PKN2: variants seen among roughly 807,000 people sequenced by gnomAD.
The protein encoded by PKN2 is protein kinase N2.
In PKN2, 38 loss-of-function variants were observed where a neutral mutation model predicts 119.1. That is an observed-to-expected ratio of 0.32 (90% confidence interval 0.25 to 0.42). The LOEUF is 0.42. Among genes scored for constraint, PKN2 ranks in the 10% least tolerant of loss-of-function variants. The pLI, the probability that PKN2 is intolerant of heterozygous loss-of-function variation, is 1.00. For synonymous variants in PKN2, 390 were observed against 384.9 expected, an observed-to-expected ratio of 1.01 and a Z score of -0.15; for missense variants, 850 against 1,165.1, an observed-to-expected ratio of 0.73 and a Z score of 3.94.
intron 1 of PKN2, among the ~76,000 whole-genome samples, chr1:88,690,637 G>A (rs1666294723): frequency 6.6e-6 from 1 of 152,266 alleles, no homozygotes; most frequent in Non-Finnish European, 1.5e-5. Flanking sequence ...CTTGATGCAT[G>A]TCTAGCTTGT....
At chr1:88,779,160 A>T (rs191879141) in intron 6 of PKN2, among the ~76,000 whole-genome samples, 1 of 152,340 alleles carries the variant, frequency 6.6e-6, no homozygotes, top group East Asian at 1.9e-4. Context: ...GCAGGCTGCC[A>T]TCTTCAATAC....
At chr1:88,788,499 GC>G (rs1183127188) in intron 8 of PKN2, among the ~76,000 whole-genome samples, 1 of 151,794 alleles carries the variant, frequency 6.6e-6, no homozygotes, top group Non-Finnish European at 1.5e-5. Flanking sequence ...AGGCTGGAGT[GC>G]AATGGCACAA....
At chr1:88,744,238 A>G (rs1012001876) in intron 2 of PKN2, among the ~76,000 whole-genome samples, 21 of 152,198 alleles carry the variant, frequency 1.4e-4, no homozygotes, top group African/African-American at 5.1e-4. Context: ...GATTTCAAGG[A>G]CATTGTGCTT....
intron 17 of PKN2, among the ~76,000 whole-genome samples, chr1:88,822,706 G>C (rs1224116521): frequency 6.6e-6 from 1 of 151,418 alleles, no homozygotes; most frequent in Non-Finnish European, 1.5e-5. Flanking sequence ...AGCCTCCTGA[G>C]TACATGGAAT....
chr1:88,801,119 C>T (rs1199057607), intron 8 of PKN2, among the ~76,000 whole-genome samples: 1 of 152,194 alleles, frequency 6.6e-6, no homozygotes, highest in Non-Finnish European at 1.5e-5. Context: ...CACAGTGGCT[C>T]ACGACTGTAA....
intron 2 of PKN2, among the ~76,000 whole-genome samples, chr1:88,759,043 G>A (rs1000643492): frequency 6.6e-6 from 1 of 152,194 alleles, no homozygotes; most frequent in African/African-American, 2.4e-5. Context: ...ATTCTCGCTA[G>A]CCTCTGTTAT....
intron 1 of PKN2, among the ~76,000 whole-genome samples, chr1:88,739,010 A>C (rs551958918): frequency 6.6e-6 from 1 of 152,366 alleles, no homozygotes; most frequent in Admixed American, 6.5e-5. Flanking sequence ...TGGCTCAGGT[A>C]GAAGATCATT....
intron 1 of PKN2, among the ~76,000 whole-genome samples, chr1:88,692,911 G>A (rs1666387202): frequency 2.0e-5 from 3 of 152,080 alleles, no homozygotes; most frequent in Admixed American, 2.0e-4. Context: ...AATATCTATT[G>A]TACATTTGGT....
At chr1:88,799,455 T>C (rs1671221321) in intron 8 of PKN2, among the ~76,000 whole-genome samples, 1 of 152,154 alleles carries the variant, frequency 6.6e-6, no homozygotes, top group African/African-American at 2.4e-5. Flanking sequence ...GTGGATTCCA[T>C]TGTCCTTCCT....
chr1:88,828,715 T>C lies in PKN2; in HGVS notation c.2562+92T>C, dbSNP rs1422577926. On this transcript the variant is annotated intron_variant, in intron 19 of 21. Transcript: ENST00000370521. ...TAAAACCACCTAATACTGTCTTCAG[T>C]ATGAGTGGAATTTAAGTTTTATAAA... The C allele has an allele frequency of 4.8e-6, 5 of 1,041,494 alleles. No homozygotes were observed. The African/African-American group carries it at 8.0e-5, about 17-fold the overall frequency. 64.5% of individuals were successfully genotyped at this position (1,041,494 alleles called of 1,614,324 possible). A position where few individuals can be genotyped will look rare whatever the true frequency, so the allele number is the denominator to read the frequency against.
chr1:88,788,625 A>G (rs1472846722), intron 8 of PKN2, among the ~76,000 whole-genome samples: 1 of 151,956 alleles, frequency 6.6e-6, no homozygotes, highest in Non-Finnish European at 1.5e-5. Context: ...TTGTATTTTT[A>G]GTAGAGATGG....
chr1:88,807,428 A>C lies in PKN2; in HGVS notation c.1919A>C (p.Glu640Ala). ...QSGLEYSGIQ[E>A]LEDRRSQQRF... ...GGCCTAGAATATAGTGGTATTCAAG[A>C]ACTTGAGGACAGAAGGTAAAGAATA... Residue 640 changes from glutamate (E) to alanine (A), a missense_variant, in exon 13 of 22, where the codon GAA becomes GCA. By Grantham distance (107) the Glu-to-Ala change is moderately radical (BLOSUM62 -1). Transcript: ENST00000370521. 1 of 1,610,472 alleles carries C rather than the reference A, an allele frequency of 6.2e-7. No individual in the cohort carries two copies.
intron 2 of PKN2, among the ~76,000 whole-genome samples, chr1:88,743,223 T>C (rs1477864984): frequency 6.6e-6 from 1 of 152,170 alleles, no homozygotes; most frequent in Non-Finnish European, 1.5e-5. Flanking sequence ...ATAAATTACG[T>C]ATGACAAAAT....
intron 8 of PKN2, among the ~76,000 whole-genome samples, chr1:88,787,461 C>T (rs994860249): frequency 7.2e-5 from 11 of 152,156 alleles, no homozygotes; most frequent in Non-Finnish European, 1.3e-4. Flanking sequence ...AGGTTAGTTA[C>T]ATACCAGTAA....
intron 1 of PKN2, 42 bp downstream of exon 1, chr1:88,684,670 CAG>C (rs2100631573): frequency 5.4e-6 from 8 of 1,469,198 alleles, no homozygotes; most frequent in Admixed American, 2.6e-5. Context: ...GCGGAGGAGA[CAG>C]GGAGAGAGCC....
chr1:88,817,203 G>T (rs539257007), intron 16 of PKN2, among the ~76,000 whole-genome samples: 3 of 152,098 alleles, frequency 2.0e-5, no homozygotes, highest in African/African-American at 7.2e-5. Flanking sequence ...TATCCACCAC[G>T]ATCAAGTCGG....
intron 3 of PKN2, among the ~76,000 whole-genome samples, chr1:88,764,616 T>C (rs1261008005): frequency 6.6e-6 from 1 of 152,192 alleles, no homozygotes; most frequent in Non-Finnish European, 1.5e-5. Flanking sequence ...TTTATCTTCC[T>C]CTGGCCCATA....
chr1:88,776,933 T>C (rs901536188), intron 6 of PKN2, among the ~76,000 whole-genome samples: 5 of 152,200 alleles, frequency 3.3e-5, no homozygotes, highest in African/African-American at 1.2e-4. Context: ...TTTATTCTAC[T>C]TAGATTCTTT....
chr1:88,747,390 G>T (rs1341796331), intron 2 of PKN2, among the ~76,000 whole-genome samples: 1 of 152,034 alleles, frequency 6.6e-6, no homozygotes, highest in African/African-American at 2.4e-5. Context: ...TGTTTGATTA[G>T]AAATAAAAAT....
Sources: gnomAD v4.1 joint callset for allele counts (sites outside exome capture counted in the v4.1 genomes callset) on GRCh38, gnomAD v4.1.1 for gene constraint, MANE v1.5 for transcripts, NCBI Gene and HGNC (gene_info 2026-07-23, HGNC 2026-07-21) for gene names.